Variants in DTNB observed in about 807,000 individuals in gnomAD.
DTNB encodes the protein dystrobrevin beta.
Under a neutral mutation model 90.7 loss-of-function variants are expected in DTNB, and 63 were observed. The observed-to-expected ratio is 0.69, with a 90% CI of 0.57 to 0.86. The LOEUF is 0.86. DTNB is among the 40% of genes least tolerant of loss of function. DTNB has a pLI of 0.00. For missense variants in DTNB, 744 were observed against 807.1 expected (o/e 0.92, Z 0.95); for synonymous variants, 277 against 286.7 (o/e 0.97, Z 0.34).
At chr2:25,406,541 A>G (rs1460063456) in intron 16 of DTNB, among the ~76,000 whole-genome samples, 4 of 152,034 alleles carry the variant, frequency 2.6e-5, no homozygotes, top group African/African-American at 9.7e-5. Context: ...GTCTCAAAAA[A>G]AAAAAAAAAA....
intron 2 of DTNB, among the ~76,000 whole-genome samples, chr2:25,648,312 C>A (rs1275991189): frequency 6.6e-6 from 1 of 152,048 alleles, no homozygotes; most frequent in Non-Finnish European, 1.5e-5. Flanking sequence ...GATACTTATT[C>A]TCATAATGCT....
At chr2:25,608,794 A>G (rs1213314775) in intron 4 of DTNB, among the ~76,000 whole-genome samples, 1 of 152,206 alleles carries the variant, frequency 6.6e-6, no homozygotes, top group Non-Finnish European at 1.5e-5. Flanking sequence ...AAAAAAACAT[A>G]TATTTGCTTT....
chr2:25,472,411 T>G (rs2062972861), intron 10 of DTNB, among the ~76,000 whole-genome samples: 1 of 152,166 alleles, frequency 6.6e-6, no homozygotes, highest in South Asian at 2.1e-4. Flanking sequence ...GAGGTCCAAG[T>G]GCTTCTGAGT....
intron 10 of DTNB, among the ~76,000 whole-genome samples, chr2:25,469,722 G>A (rs1288821789): frequency 1.3e-5 from 2 of 152,176 alleles, no homozygotes; most frequent in Admixed American, 6.5e-5. Context: ...CATTACAGGT[G>A]TGAGCCACTG....
At chr2:25,468,688 C>T (rs563451219) in intron 10 of DTNB, among the ~76,000 whole-genome samples, 2 of 152,266 alleles carry the variant, frequency 1.3e-5, no homozygotes, top group South Asian at 2.1e-4. Context: ...AAATCTGTTT[C>T]GGAACAATGC....
intron 3 of DTNB, among the ~76,000 whole-genome samples, chr2:25,633,289 C>G (rs1351687344): frequency 2.6e-5 from 4 of 152,182 alleles, no homozygotes; most frequent in Admixed American, 1.3e-4. Flanking sequence ...TCAGCCTGCC[C>G]AGCGCCTGCC....
At chr2:25,523,020 A>C (rs183456473) in intron 9 of DTNB, among the ~76,000 whole-genome samples, 1 of 152,130 alleles carries the variant, frequency 6.6e-6, no homozygotes, top group Non-Finnish European at 1.5e-5. Context: ...CACATTTTCT[A>C]AAGAGTCAGA....
chr2:25,432,890 G>T lies in DTNB; in HGVS notation c.1453C>A (p.Leu485Met). The change falls in exon 14 of 21, where the codon CTG becomes ATG. Residue 485 changes from leucine (L) to methionine (M), a missense_variant. By Grantham distance (15) the Leu-to-Met change is conservative (BLOSUM62 2). Transcript: ENST00000406818. ...NPTLLAELRLLRQRKDELEQR... is the reference protein window; with the variant it reads ...NPTLLAELRLMRQRKDELEQR... ...TGGTAGAGTGTCCCTACTCACCTCA[G>T]CAGCCGCAGCTCTGCCAGCAGCGTG... 1 of 1,598,716 alleles carries T rather than the reference G, an allele frequency of 6.3e-7. No homozygotes were observed. The highest frequency in any genetic ancestry group is 8.5e-7 in the Non-Finnish European group (1 of 1,173,538).
intron 5 of DTNB, among the ~76,000 whole-genome samples, chr2:25,600,084 C>G (rs868394873): frequency 6.6e-6 from 1 of 152,150 alleles, no homozygotes. Flanking sequence ...GGTAACAGAG[C>G]AAGACCCTAT....
At chr2:25,634,533 G>GCCA (rs2076697022) in intron 3 of DTNB, among the ~76,000 whole-genome samples, 1 of 148,504 alleles carries the variant, frequency 6.7e-6, no homozygotes, top group Admixed American at 6.6e-5. Flanking sequence ...CCTCTGCCCG[G>GCCA]CCACCACCCC....
chr2:25,654,794 T>C (rs1395324520), intron 1 of DTNB, among the ~76,000 whole-genome samples: 1 of 152,222 alleles, frequency 6.6e-6, no homozygotes, highest in Non-Finnish European at 1.5e-5. Flanking sequence ...ACTTGGACCC[T>C]GGAAAAATTA....
intron 8 of DTNB, among the ~76,000 whole-genome samples, chr2:25,558,719 C>T (rs542279333): frequency 6.6e-6 from 1 of 152,250 alleles, no homozygotes; most frequent in Non-Finnish European, 1.5e-5. Flanking sequence ...ATGAATAAAT[C>T]GTGCATGCAA....
At chr2:25,642,096 A>C (rs1317183256) in intron 2 of DTNB, among the ~76,000 whole-genome samples, 1 of 152,238 alleles carries the variant, frequency 6.6e-6, no homozygotes, top group East Asian at 1.9e-4. Context: ...CTGGGATTAC[A>C]GGCATGAGCC....
At chr2:25,404,029 A>G (rs2044402865) in intron 16 of DTNB, among the ~76,000 whole-genome samples, 1 of 152,204 alleles carries the variant, frequency 6.6e-6, no homozygotes. Context: ...TCATATGTAC[A>G]GTGGGGATAA....
intron 8 of DTNB, among the ~76,000 whole-genome samples, chr2:25,560,653 C>T (rs1214817624): frequency 2.6e-5 from 4 of 152,186 alleles, no homozygotes; most frequent in Admixed American, 6.5e-5. Flanking sequence ...CAACTCACCC[C>T]GCAGATCTTG....
intron 8 of DTNB, chr2:25,558,250 T>A (rs2057695966): frequency 1.0e-6 from 1 of 985,306 alleles, no homozygotes; most frequent in Non-Finnish European, 1.2e-6. Flanking sequence ...TACCTGTAGA[T>A]CTCAGAAAGC....
chr2:25,397,156 T>C (rs1167890121), intron 16 of DTNB, among the ~76,000 whole-genome samples: 1 of 146,506 alleles, frequency 6.8e-6, no homozygotes, highest in African/African-American at 2.5e-5. Flanking sequence ...CACACAAAAA[T>C]CTGAACCCAA....
At position 25,424,773 on chromosome 2, in the gene DTNB, T is replaced by C. The variant is rs2050964628; in HGVS notation, c.1554+2762A>G. ...GCCTCCACCTCCTGGGCTTAAGCGA[T>C]CCTCCCACCTCAGCCTCCTGAGTAG... On this transcript the variant is annotated intron_variant, in intron 15 of 20. Transcript: ENST00000406818. This position sits in a 1 kb window ranked among gnomAD's most constrained non-coding sequence, Gnocchi z 4.1. Among the ~76,000 whole-genome samples the C allele has an allele frequency of 6.6e-6, 1 of 151,848 alleles. No individual in the cohort carries two copies. Among genetic ancestry groups the C allele is most frequent in the African/African-American group, 2.4e-5 (1 of 41,322 alleles).
chr2:25,552,990 A>G (rs2056627306), intron 8 of DTNB, among the ~76,000 whole-genome samples: 1 of 150,936 alleles, frequency 6.6e-6, no homozygotes, highest in Non-Finnish European at 1.5e-5. Context: ...CCTCCCGAGT[A>G]GCTGGGACTA....
Sources: allele counts gnomAD v4.1 joint callset (sites outside exome capture counted in the v4.1 genomes callset), GRCh38; gene constraint gnomAD v4.1.1; non-coding constraint Gnocchi (gnomAD v3.1); transcripts MANE v1.5; gene names NCBI Gene and HGNC (gene_info 2026-07-23, HGNC 2026-07-21).